The following LARP1B variants were observed in gnomAD, a reference collection of about 807,000 sequenced individuals.
The protein encoded by LARP1B is la-related protein 1B.
In LARP1B, 76 loss-of-function variants were observed where a neutral mutation model predicts 114.2. That is an observed-to-expected ratio of 0.67 (90% CI 0.55 to 0.81). The LOEUF (loss-of-function observed/expected upper bound fraction) is 0.81. Ranked by LOEUF, LARP1B falls within the 30% of genes least tolerant of loss-of-function variation. The probability of loss-of-function intolerance (pLI) is 0.00; values close to 1 mark genes in which losing one functional copy is unlikely to be tolerated. For synonymous variants in LARP1B, 345 were observed against 348.0 expected (o/e 0.99, Z 0.10); for missense variants, 1,014 against 1,075.8 (o/e 0.94, Z 0.80).
intron 11 of LARP1B, among the ~76,000 whole-genome samples, chr4:128,140,053 CT>C (rs1272062887): frequency 6.6e-6 from 1 of 151,996 alleles, no homozygotes; most frequent in Non-Finnish European, 1.5e-5. Context: ...ATTTTGAAGA[CT>C]TAGTAACAAA....
chr4:128,193,405 A>G (rs908666422), intron 15 of LARP1B, among the ~76,000 whole-genome samples: 2 of 152,162 alleles, frequency 1.3e-5, no homozygotes, highest in African/African-American at 2.4e-5. Context: ...CCTATAAAGT[A>G]TCCTGCTCTG....
At chr4:128,155,702 A>C in intron 11 of LARP1B, 2 of 1,606,962 alleles carry the variant, frequency 1.2e-6, no homozygotes, top group East Asian at 4.5e-5. Flanking sequence ...CCGGAGGAAG[A>C]GGAGCGCCGC....
At chr4:128,195,856 A>C in intron 15 of LARP1B, among the ~76,000 whole-genome samples, 1 of 152,254 alleles carries the variant, frequency 6.6e-6, no homozygotes, top group East Asian at 1.9e-4. Flanking sequence ...AACTTTAGCT[A>C]GACTGACAAA....
chr4:128,078,607 A>G (rs1455843030), intron 4 of LARP1B, among the ~76,000 whole-genome samples: 1 of 152,134 alleles, frequency 6.6e-6, no homozygotes, highest in Non-Finnish European at 1.5e-5. Flanking sequence ...TCAAAAAAAA[A>G]AAAAAGTGAG....
intron 1 of LARP1B, chr4:128,069,019 TG>T (rs1340443271): frequency 1.2e-6 from 1 of 859,118 alleles, no homozygotes; most frequent in African/African-American, 1.7e-5. Context: ...TTATATTGGC[TG>T]TAACGGTGGA....
intron 11 of LARP1B, among the ~76,000 whole-genome samples, chr4:128,150,129 C>T (rs1239214633): frequency 9.2e-5 from 14 of 151,802 alleles, no homozygotes; most frequent in African/African-American, 1.7e-4. Context: ...CCAGCCTGGG[C>T]GACAGACCAA....
At chr4:128,070,946 C>T (rs1482903971) in intron 1 of LARP1B, among the ~76,000 whole-genome samples, 4 of 151,968 alleles carry the variant, frequency 2.6e-5, no homozygotes, top group Non-Finnish European at 4.4e-5. Flanking sequence ...CCATGTGTGC[C>T]TTTCTCTAGG....
chr4:128,130,091 G>A (rs571109651), intron 11 of LARP1B, among the ~76,000 whole-genome samples: 1 of 152,304 alleles, frequency 6.6e-6, no homozygotes, highest in Non-Finnish European at 1.5e-5. Context: ...AGTGGCTCAT[G>A]CCTATAATCT....
intron 1 of LARP1B, chr4:128,062,354 A>C: frequency 3.5e-6 from 3 of 849,246 alleles, no homozygotes; most frequent in Non-Finnish European, 4.3e-6. Flanking sequence ...AGTCGGAGGT[A>C]ATTTGTTCCA....
intron 15 of LARP1B, among the ~76,000 whole-genome samples, chr4:128,196,351 C>G (rs1754119866): frequency 1.3e-5 from 2 of 149,886 alleles, no homozygotes; most frequent in Admixed American, 6.6e-5. Flanking sequence ...GACCACGTCT[C>G]TACTAAAAAT....
At chr4:128,061,484 C>T (rs1450152662) in intron 1 of LARP1B, 83 bp downstream of exon 1, 2 of 171,854 alleles carry the variant, frequency 1.2e-5, no homozygotes, top group Non-Finnish European at 2.3e-5. Flanking sequence ...ACGGGGCCGG[C>T]GGGCGGTTGG....
At chr4:128,136,509 AT>A (rs368341610) in intron 11 of LARP1B, among the ~76,000 whole-genome samples, 76 of 152,190 alleles carry the variant, frequency 5.0e-4, no homozygotes, top group African/African-American at 1.7e-3. Context: ...AAAGCTTCAA[AT>A]ATATGAAACA....
chr4:128,121,852 A>C lies in LARP1B; in HGVS notation c.1188A>C (p.Ser396=). 1 of 1,599,442 alleles carries C rather than the reference A, an allele frequency of 6.3e-7. No homozygotes were observed. Among genetic ancestry groups the C allele is most frequent in the Non-Finnish European group, 8.5e-7 (1 of 1,173,398 alleles). Residue 396 remains serine (S), a synonymous_variant, in exon 11 of 20, where the codon TCA becomes TCC. Transcript: ENST00000326639. ...LRESVSVPEG[S]LNQLCSSEEP... ...AATCAGTGTCTGTCCCTGAAGGGTC[A>C]TTAAATCAGCTATGTTCTTCAGAAG...
intron 11 of LARP1B, chr4:128,156,155 G>A: frequency 6.2e-7 from 1 of 1,610,882 alleles, no homozygotes. Context: ...AGCAGCAGCG[G>A]AGACCCATCC....
At chr4:128,103,462 G>C (rs1470213607) in intron 8 of LARP1B, among the ~76,000 whole-genome samples, 1 of 151,864 alleles carries the variant, frequency 6.6e-6, no homozygotes, top group East Asian at 1.9e-4. Context: ...GTAGTGGTCA[G>C]TGTTACTTCT....
At chr4:128,199,682 C>T in intron 16 of LARP1B, 83 bp downstream of exon 16, 1 of 627,886 alleles carries the variant, frequency 1.6e-6, no homozygotes, top group Non-Finnish European at 2.3e-6. Context: ...CATTTAATAT[C>T]AGGTTAAGAT....
intron 11 of LARP1B, among the ~76,000 whole-genome samples, chr4:128,138,416 C>T (rs1276307149): frequency 1.3e-5 from 2 of 152,102 alleles, no homozygotes; most frequent in Non-Finnish European, 1.5e-5. Context: ...ATTTAAAAAT[C>T]TTCAAACTCT....
rs748088289 is a variant in LARP1B at position 128,149,548 on chromosome 4, G to A, written c.1525-12646G>A. ...TGAAAAAGTGCCAAAATTGGGAAGC[G>A]ATTTTAAAGAATCTGTTCATAATAC... is the stretch of plus-strand genomic sequence containing the variant. On this transcript the variant is annotated intron_variant, in intron 11 of 19. Coordinates refer to ENST00000326639, the MANE Select transcript of LARP1B (RefSeq NM_018078.4). Among the ~76,000 whole-genome samples, 13 of 152,304 alleles carry A rather than the reference G, an allele frequency of 8.5e-5. No homozygotes were observed. The Middle Eastern group carries it at 0.014, about 159-fold the overall frequency.
At chr4:128,119,693 G>GT (rs1214116088) in intron 10 of LARP1B, among the ~76,000 whole-genome samples, 1 of 152,058 alleles carries the variant, frequency 6.6e-6, no homozygotes, top group African/African-American at 2.4e-5. Context: ...TTTAACCTTT[G>GT]TATCAGTTCT....
Sources: allele counts gnomAD v4.1 joint callset (sites outside exome capture counted in the v4.1 genomes callset), GRCh38; gene constraint gnomAD v4.1.1; transcripts MANE v1.5; gene names NCBI Gene and HGNC (gene_info 2026-07-23, HGNC 2026-07-21).